The following ERI1 variants were observed in gnomAD, a reference collection of about 807,000 sequenced individuals.
ERI1 encodes the protein exoribonuclease 1.
Under a neutral mutation model 39.7 loss-of-function variants are expected in ERI1, and 39 were observed. The ratio of observed to expected loss-of-function variants is 0.98; its 90% CI spans 0.76 to 1.28. The LOEUF (loss-of-function observed/expected upper bound fraction) is 1.28. Ranked by LOEUF, ERI1 falls within the 50% of genes most tolerant of loss-of-function variation. The pLI is 0.00. For synonymous variants in ERI1, 204 were observed against 149.6 expected (o/e 1.36, Z -2.65); for missense variants, 581 against 416.9 (o/e 1.39, Z -3.43).
intron 3 of ERI1, among the ~76,000 whole-genome samples, chr8:9,074,264 C>A (rs977610094): frequency 1.3e-5 from 2 of 151,870 alleles, no homozygotes; most frequent in East Asian, 3.9e-4. Context: ...GCACCCGCCA[C>A]CATGCCTGGC....
intron 1 of ERI1, among the ~76,000 whole-genome samples, chr8:9,005,447 A>C (rs745333318): frequency 1.3e-5 from 2 of 152,100 alleles, no homozygotes; most frequent in African/African-American, 4.8e-5. Context: ...CAGCAATTAT[A>C]GAATACCTGT....
At chr8:9,038,204 T>C (rs1276414023), downstream of ERI1, among the ~76,000 whole-genome samples, 1 of 152,220 alleles carries the variant, frequency 6.6e-6, no homozygotes, top group Non-Finnish European at 1.5e-5. Flanking sequence ...TTCCTCTTTC[T>C]CCTGGAACTT....
chr8:9,098,632 G>A (rs999951769), intron 3 of ERI1, among the ~76,000 whole-genome samples: 1 of 151,974 alleles, frequency 6.6e-6, no homozygotes, highest in Non-Finnish European at 1.5e-5. Flanking sequence ...TACACTGCTT[G>A]GGCAATGGGT....
chr8:9,077,489 G>C (rs1799243821), intron 3 of ERI1, among the ~76,000 whole-genome samples: 1 of 137,224 alleles, frequency 7.3e-6, no homozygotes, highest in Admixed American at 7.5e-5. Flanking sequence ...CCAGCTGACT[G>C]ACGCTTTTAT....
chr8:9,086,026 G>C (rs1403609938), intron 3 of ERI1, among the ~76,000 whole-genome samples: 1 of 152,130 alleles, frequency 6.6e-6, no homozygotes, highest in African/African-American at 2.4e-5. Context: ...ACAGAAAAGA[G>C]AATTTTATCC....
intron 6 of ERI1, among the ~76,000 whole-genome samples, chr8:9,027,745 C>T (rs1300881281): frequency 1.3e-5 from 2 of 152,140 alleles, no homozygotes; most frequent in Non-Finnish European, 2.9e-5. Flanking sequence ...GTTGTTTTTT[C>T]CCCATTGATT....
intron 3 of ERI1, among the ~76,000 whole-genome samples, chr8:9,013,623 C>G (rs756477868): frequency 6.6e-6 from 1 of 152,116 alleles, no homozygotes; most frequent in Non-Finnish European, 1.5e-5. Context: ...TGGTGACTTT[C>G]AAATACATAT....
chr8:9,087,603 G>C (rs1343817110), intron 3 of ERI1, among the ~76,000 whole-genome samples: 1 of 151,956 alleles, frequency 6.6e-6, no homozygotes, highest in Non-Finnish European at 1.5e-5. Flanking sequence ...CAGTGATCAT[G>C]TATTCCTTGT....
At chr8:9,041,282 C>CTTA (rs1211072077) in intron 3 of ERI1, among the ~76,000 whole-genome samples, 3 of 152,094 alleles carry the variant, frequency 2.0e-5, no homozygotes, top group Admixed American at 2.0e-4. Flanking sequence ...TCCTACATTC[C>CTTA]TTACTACAGG....
intron 6 of ERI1, among the ~76,000 whole-genome samples, chr8:9,026,665 T>A (rs1171732437): frequency 6.6e-6 from 1 of 152,190 alleles, no homozygotes; most frequent in Non-Finnish European, 1.5e-5. Context: ...TCTGAAACTT[T>A]CTGGGCACTG....
intron 3 of ERI1, among the ~76,000 whole-genome samples, chr8:9,055,393 G>A (rs559050037): frequency 2.0e-5 from 3 of 152,354 alleles, no homozygotes; most frequent in South Asian, 2.1e-4. Context: ...TAACAGAACT[G>A]ATGGTAATAA....
Position 9,030,644 on chromosome 8 carries a change from G to A in ERI1, c.*610G>A, listed in dbSNP as rs1302823156. 1 of 152,382 alleles carries A rather than the reference G, an allele frequency of 6.6e-6. No individual in the cohort carries two copies. The highest frequency in any genetic ancestry group is 1.5e-5 in the Non-Finnish European group (1 of 68,172). 9.4% of individuals were successfully genotyped at this position (152,382 alleles called of 1,614,324 possible). A position where few individuals can be genotyped will look rare whatever the true frequency, so the allele number is the denominator to read the frequency against. ...GGGTTTGGTTAAAAATCCAGTTACT[G>A]AAGGAATTAATGAAAACGTAGAAGA... On this transcript the variant is annotated 3_prime_UTR_variant, in exon 7 of 7. Coordinates refer to ENST00000250263, the MANE Select transcript of ERI1 (RefSeq NM_153332.4).
At chr8:9,071,845 T>C (rs1305917671) in intron 3 of ERI1, among the ~76,000 whole-genome samples, 1 of 152,184 alleles carries the variant, frequency 6.6e-6, no homozygotes, top group Non-Finnish European at 1.5e-5. Flanking sequence ...GTGGGAGGAC[T>C]GCTTGAATCC....
At chr8:9,008,496 C>G (rs1304759310) in intron 2 of ERI1, among the ~76,000 whole-genome samples, 1 of 151,900 alleles carries the variant, frequency 6.6e-6, no homozygotes, top group African/African-American at 2.4e-5. Context: ...TTCTTTTTGC[C>G]ATTTGTATCT....
chr8:9,023,709 T>A (rs1460700671), intron 6 of ERI1, among the ~76,000 whole-genome samples: 1 of 151,678 alleles, frequency 6.6e-6, no homozygotes, highest in East Asian at 1.9e-4. Context: ...TAAAACTCTC[T>A]GTCACAAGTT....
At chr8:9,060,913 C>T (rs77888508) in intron 3 of ERI1, among the ~76,000 whole-genome samples, 334 of 152,276 alleles carry the variant, frequency 2.2e-3, no homozygotes, top group African/African-American at 6.9e-3. Flanking sequence ...ATTAAAGAGG[C>T]ATTAATGATG....
At chr8:9,016,428 T>C (rs1407060587) in intron 4 of ERI1, 23 bp downstream of exon 4, 3 of 1,477,206 alleles carry the variant, frequency 2.0e-6, no homozygotes, top group Non-Finnish European at 1.8e-6. Flanking sequence ...AGTTCTTCTT[T>C]CTAGAGTTTG....
chr8:9,082,714 G>C (rs570744151), intron 3 of ERI1, among the ~76,000 whole-genome samples: 4 of 152,202 alleles, frequency 2.6e-5, no homozygotes, highest in African/African-American at 4.8e-5. Context: ...TTCCCTTCAG[G>C]GGCCAGAAGG....
intron 3 of ERI1, among the ~76,000 whole-genome samples, chr8:9,014,940 C>T (rs951043337): frequency 5.3e-5 from 8 of 152,110 alleles, no homozygotes; most frequent in African/African-American, 1.9e-4. Flanking sequence ...TGGGTTCAAG[C>T]GATTATCCCA....
Sources: gnomAD v4.1 joint callset for allele counts (sites outside exome capture counted in the v4.1 genomes callset) on GRCh38, gnomAD v4.1.1 for gene constraint, MANE v1.5 for transcripts, NCBI Gene and HGNC (gene_info 2026-07-23, HGNC 2026-07-21) for gene names.